The following LGR6 variants were observed in gnomAD, a reference collection of about 807,000 sequenced individuals.
The protein encoded by LGR6 is leucine-rich repeat-containing G protein-coupled receptor 6.
In LGR6, 45 loss-of-function variants were observed where a neutral mutation model predicts 69.4. The observed-to-expected ratio is 0.65, with a 90% CI of 0.51 to 0.83. LGR6 has a LOEUF of 0.83. Among genes scored for constraint, LGR6 ranks in the 40% least tolerant of loss-of-function variants. The pLI is 0.00. For missense variants in LGR6, 1,108 were observed against 1,246.7 expected (o/e 0.89, Z 1.68); for synonymous variants, 538 against 555.0 (o/e 0.97, Z 0.43).
At position 202,318,430 on chromosome 1, in the gene LGR6, A is replaced by G. The variant is rs762959645; in HGVS notation, c.2127A>G (p.Gly709=). 1 of 1,611,222 alleles carries G rather than the reference A, an allele frequency of 6.2e-7. No individual in the cohort carries two copies. ...LAAALPLASV[G]EYGASPLCLP... ...CCGCGCTGCCCCTGGCCTCAGTGGG[A>G]GAATACGGGGCCTCCCCACTCTGCC... The change falls in exon 18 of 18, where the codon GGA becomes GGG. Residue 709 remains glycine (G), a synonymous_variant. Coordinates refer to ENST00000367278, the MANE Select transcript of LGR6 (RefSeq NM_001017403.2).
At chr1:202,287,771 A>G (rs1571969628) in intron 6 of LGR6, among the ~76,000 whole-genome samples, 3 of 152,088 alleles carry the variant, frequency 2.0e-5, no homozygotes, top group East Asian at 3.9e-4. Context: ...TTCCAACTAT[A>G]TTAAGAATCT....
chr1:202,214,013 G>A lies in LGR6; in HGVS notation c.213-11410G>A, dbSNP rs1042499169. ...TAGCTCTGATGAACCAAATAGTTCG[G>A]GAGTTAGGGAAGAGGGCAGATGGGT... On this transcript the variant is annotated intron_variant, in intron 1 of 17. Transcript: ENST00000367278. 12 of 1,325,892 alleles carry A rather than the reference G, an allele frequency of 9.1e-6. No individual in the cohort carries two copies. In the African/African-American group the frequency reaches 1.2e-4, roughly 14 times the overall value. The allele number at this position is 1,325,892 out of a possible 1,614,324, so 82.1% of individuals were successfully genotyped here.
In LGR6 at chr1:202,194,164, G is replaced by A; in HGVS notation, c.175G>A (p.Ala59Thr). ...CGACTGCTCTGAGCTCGGGCTGTCC[G>A]CCGTTCCGGGGGACCTGGACCCCCT... ...SADCSELGLS[A>T]VPGDLDPLTA... The change falls in exon 1 of 18, where the codon GCC (alanine) becomes ACC (threonine). Residue 59 changes from alanine (A) to threonine (T), a missense_variant. Transcript: ENST00000367278. 6.4e-7 allele frequency: 1 copy of A among 1,571,292 alleles called. No homozygotes were observed. The highest frequency in any genetic ancestry group is 2.4e-5 in the East Asian group (1 of 41,328).
chr1:202,262,470 C>G (rs1664312812), intron 4 of LGR6, among the ~76,000 whole-genome samples: 1 of 151,988 alleles, frequency 6.6e-6, no homozygotes, highest in African/African-American at 2.4e-5. Flanking sequence ...GTACCAGTAC[C>G]ATGCTGTTTT....
intron 4 of LGR6, among the ~76,000 whole-genome samples, chr1:202,243,203 C>T (rs1385040550): frequency 6.6e-6 from 1 of 152,152 alleles, no homozygotes; most frequent in Non-Finnish European, 1.5e-5. Flanking sequence ...TTCCAGGGTA[C>T]CTGCTCCCAG....
In LGR6 at chr1:202,276,314, A is replaced by G; in HGVS notation, c.437A>G (p.Asp146Gly). The G allele has an allele frequency of 3.1e-6, 5 of 1,613,702 alleles. No individual in the cohort carries two copies. Among genetic ancestry groups the G allele is most frequent in the Non-Finnish European group, 3.4e-6 (4 of 1,179,720 alleles). Residue 146 changes from aspartate to glycine, a missense_variant, in exon 5 of 18, where the codon GAT becomes GGT. Asp to Gly is a moderately conservative substitution (Grantham distance 94). Transcript: ENST00000367278. ...ATCCTCTCTTCCACCAGGCGCCTAGATGCCAACCTCATCTCCCTGGTCCCG... is the reference window on the plus strand; with the variant it reads ...ATCCTCTCTTCCACCAGGCGCCTAGGTGCCAACCTCATCTCCCTGGTCCCG... ...ELPSLQSLRLDANLISLVPER... is the reference protein window; with the variant it reads ...ELPSLQSLRLGANLISLVPER...
rs150151725 is a variant in LGR6 at position 202,287,865 on chromosome 1, A to G, written c.716+7013A>G. ...ACCTGGGTTATTGCAGTGGCCTTCT[A>G]TCTGGTCACTCTGCTTTCATTCTTG... On this transcript the variant is annotated intron_variant, in intron 6 of 17. Coordinates refer to ENST00000367278, the MANE Select transcript of LGR6 (RefSeq NM_001017403.2). Among the ~76,000 whole-genome samples, 548 of 152,202 alleles carry G rather than the reference A, an allele frequency of 3.6e-3. 5 individuals are homozygous for G. The highest frequency in any genetic ancestry group is 0.012 in the African/African-American group (518 of 41,528).
intron 16 of LGR6, among the ~76,000 whole-genome samples, chr1:202,312,931 G>GA (rs1017936965): frequency 6.6e-6 from 1 of 151,200 alleles, no homozygotes. Flanking sequence ...AAGTGAATAA[G>GA]AAAAAAAAAG....
chr1:202,226,600 T>C (rs1323836797), intron 2 of LGR6, among the ~76,000 whole-genome samples: 1 of 152,060 alleles, frequency 6.6e-6, no homozygotes, highest in East Asian at 1.9e-4. Flanking sequence ...CAAGTACTTG[T>C]TGAACCCCCT....
chr1:202,202,185 T>C (rs575639931), intron 1 of LGR6, among the ~76,000 whole-genome samples: 17 of 152,250 alleles, frequency 1.1e-4, no homozygotes, highest in East Asian at 3.9e-4. Flanking sequence ...AGGAACCACA[T>C]TGGGGCTTTT....
intron 1 of LGR6, among the ~76,000 whole-genome samples, chr1:202,216,080 G>A (rs911978824): frequency 3.3e-5 from 5 of 152,270 alleles, no homozygotes; most frequent in Middle Eastern, 3.4e-3. Flanking sequence ...TTGCCGCTTC[G>A]TCACCTAGCA....
chr1:202,293,710 C>A (rs535298604), intron 6 of LGR6, among the ~76,000 whole-genome samples: 4 of 152,328 alleles, frequency 2.6e-5, no homozygotes, highest in African/African-American at 9.6e-5. Context: ...TTTCCCAGGT[C>A]ATAAAATCTG....
chr1:202,318,292 C>CGCAGT lies in LGR6; in HGVS notation c.1999_2003dup (p.Val669AlafsTer25). The CGCAGT allele has an allele frequency of 6.2e-7, 1 of 1,600,408 alleles. No individual in the cohort carries two copies. The highest frequency in any genetic ancestry group is 8.5e-7 in the Non-Finnish European group (1 of 1,172,352). On this transcript the variant is annotated frameshift_variant, in exon 18 of 18. Transcript: ENST00000367278. LOFTEE classifies it low-confidence loss of function (END_TRUNC). ...CATCGGTGCTGCTGCTCACTCTGGC[C>CGCAGT]GCAGTGCAGTGCAGCGTCTCCGTCT... is the stretch of plus-strand genomic sequence containing the variant.
chr1:202,269,045 C>T (rs1664891477), intron 4 of LGR6, among the ~76,000 whole-genome samples: 1 of 152,152 alleles, frequency 6.6e-6, no homozygotes, highest in Admixed American at 6.5e-5. Flanking sequence ...GCTGGGACTA[C>T]TGGAGCGTGC....
At chr1:202,205,956 C>CAGACACACA (rs1448977952) in intron 1 of LGR6, among the ~76,000 whole-genome samples, 12 of 131,694 alleles carry the variant, frequency 9.1e-5, no homozygotes. Flanking sequence ...AACACACACA[C>CAGACACACA]ACACAGACAC....
intron 1 of LGR6, chr1:202,197,408 T>C (rs1658683466): frequency 1.9e-6 from 1 of 533,438 alleles, no homozygotes; most frequent in South Asian, 1.4e-5. Context: ...CAATCCTCCA[T>C]ATGTCTCTCT....
chr1:202,284,057 T>A (rs566348154), intron 6 of LGR6, among the ~76,000 whole-genome samples: 31 of 152,224 alleles, frequency 2.0e-4, no homozygotes, highest in African/African-American at 7.5e-4. Context: ...TCCAAGTCAT[T>A]TGGGCAGGGT....
intron 4 of LGR6, among the ~76,000 whole-genome samples, chr1:202,259,321 T>C (rs910887798): frequency 3.9e-5 from 6 of 152,192 alleles, no homozygotes; most frequent in Non-Finnish European, 5.9e-5. Flanking sequence ...CCTGGAACAA[T>C]TTATAGAGCA....
chr1:202,301,956 T>C (rs547939233), intron 9 of LGR6, among the ~76,000 whole-genome samples: 1 of 151,754 alleles, frequency 6.6e-6, no homozygotes, highest in African/African-American at 2.4e-5. Flanking sequence ...GAGGCGGAGG[T>C]TACAGTGAGC....
Sources: allele counts gnomAD v4.1 joint callset (sites outside exome capture counted in the v4.1 genomes callset), GRCh38; gene constraint gnomAD v4.1.1; transcripts MANE v1.5; gene names NCBI Gene and HGNC (gene_info 2026-07-23, HGNC 2026-07-21).